Variants in CGNL1 observed in about 807,000 individuals in gnomAD.
CGNL1 encodes cingulin like 1, also known as cingulin-like protein 1.
In CGNL1, 132 loss-of-function variants were observed where a neutral mutation model predicts 141.2. The observed-to-expected ratio is 0.93, with a 90% CI of 0.81 to 1.08. The LOEUF is 1.08. CGNL1 is among the 50% of genes least tolerant of loss of function. The pLI, the probability that CGNL1 is intolerant of heterozygous loss-of-function variation, is 0.00. For missense variants in CGNL1, 1,870 were observed against 1,588.6 expected (o/e 1.18, Z -3.01); for synonymous variants, 690 against 622.1 (o/e 1.11, Z -1.63).
At position 57,496,144 on chromosome 15, in the gene CGNL1, C is replaced by T. The variant is rs192243805; in HGVS notation, c.2404-20636C>T. ...GCTCACTTAGACAGGCTTACCAAGG[C>T]GACAAATACATTAAAAACAAAACAA... On this transcript the variant is annotated intron_variant, in intron 8 of 18. Coordinates refer to ENST00000281282, the MANE Select transcript of CGNL1 (RefSeq NM_032866.5). 7.2e-4 allele frequency among the ~76,000 whole-genome samples: 109 copies of T among 152,212 alleles called. 2 individuals are homozygous for T. The East Asian group carries it at 0.019, about 27-fold the overall frequency.
chr15:57,516,258 G>A (rs928879434), intron 8 of CGNL1, among the ~76,000 whole-genome samples: 1 of 152,020 alleles, frequency 6.6e-6, no homozygotes, highest in African/African-American at 2.4e-5. Context: ...ATGAGGACAG[G>A]TTCTGGATTC....
At chr15:57,518,372 T>C in intron 9 of CGNL1, 21 bp from the exon 10 acceptor site, 1 of 1,569,476 alleles carries the variant, frequency 6.4e-7, no homozygotes, top group Non-Finnish European at 8.8e-7. Context: ...AAGTGCACAC[T>C]GACCCAGTGT....
chr15:57,421,375 CT>C (rs780588665), intron 1 of CGNL1, among the ~76,000 whole-genome samples: 112 of 152,248 alleles, frequency 7.4e-4, no homozygotes, highest in Non-Finnish European at 1.5e-3. Flanking sequence ...TGGAGAGGCT[CT>C]TAAACCAAAT....
chr15:57,431,723 T>A (rs1442085797), intron 1 of CGNL1, among the ~76,000 whole-genome samples: 5 of 120,136 alleles, frequency 4.2e-5, no homozygotes, highest in Non-Finnish European at 9.4e-5. Flanking sequence ...CATTTTGAGT[T>A]TTTTTTGTAA....
In CGNL1 at chr15:57,543,778, A is replaced by G. The variant is rs775720144; in HGVS notation, c.3374A>G (p.Gln1125Arg). ...TGCGACAAGATTTCCCTGGAGAGGC[A>G]GGTGAGGGCAGCCAGCCTGTGAGCT... is the stretch of plus-strand genomic sequence containing the variant. ...LECDKISLER[Q>R]NKDLKSRIIH... is the part of the protein sequence containing the mutation. The change falls in exon 15 of 19, where the codon CAG becomes CGG. Residue 1125 changes from glutamine (Q) to arginine (R), a missense_variant and splice_region_variant. Transcript: ENST00000281282. 1.9e-6 allele frequency: 3 copies of G among 1,613,194 alleles called. No individual in the cohort carries two copies. Among genetic ancestry groups the G allele is most frequent in the Non-Finnish European group, 2.5e-6 (3 of 1,179,252 alleles).
In CGNL1 at chr15:57,447,710, C is replaced by T. The variant is rs370754614; in HGVS notation, c.1804-3790C>T. On this transcript the variant is annotated intron_variant, in intron 4 of 18. Transcript: ENST00000281282. ...ATTTGAATATTGCTTCTTTCACATT[C>T]GGTCTCTCCCAGCTCTTCTCAGACT... Among the ~76,000 whole-genome samples the T allele has an allele frequency of 9.2e-5, 14 of 151,988 alleles. No individual in the cohort carries two copies. The East Asian group carries it at 9.7e-4, about 11-fold the overall frequency.
intron 1 of CGNL1, among the ~76,000 whole-genome samples, chr15:57,436,532 A>AGCTG (rs142302646): frequency 0.031 from 4,723 of 152,242 alleles, 256 homozygotes; most frequent in African/African-American, 0.11. Flanking sequence ...TCCTGTCTTA[A>AGCTG]GCTGCTATGT....
At chr15:57,505,973 G>A (rs1183086886) in intron 8 of CGNL1, among the ~76,000 whole-genome samples, 1 of 152,180 alleles carries the variant, frequency 6.6e-6, no homozygotes, top group Non-Finnish European at 1.5e-5. Flanking sequence ...CAAGACTTCC[G>A]GGCAGGGGTG....
intron 1 of CGNL1, among the ~76,000 whole-genome samples, chr15:57,418,375 T>C (rs912167372): frequency 6.6e-6 from 1 of 152,146 alleles, no homozygotes; most frequent in Admixed American, 6.5e-5. Context: ...CCTTTCTGTT[T>C]CTCTTTTTTT....
At chr15:57,501,178 C>T (rs1490608348) in intron 8 of CGNL1, among the ~76,000 whole-genome samples, 3 of 152,264 alleles carry the variant, frequency 2.0e-5, no homozygotes, top group Non-Finnish European at 2.9e-5. Flanking sequence ...CAGAAGGGCT[C>T]CTGGTGTGGT....
chr15:57,427,026 C>T (rs1296639210), intron 1 of CGNL1, among the ~76,000 whole-genome samples: 1 of 152,110 alleles, frequency 6.6e-6, no homozygotes, highest in Non-Finnish European at 1.5e-5. Flanking sequence ...CTGCAAGTAC[C>T]TGAGGGGCTG....
chr15:57,517,398 C>T (rs1392484642), intron 9 of CGNL1, among the ~76,000 whole-genome samples: 2 of 152,140 alleles, frequency 1.3e-5, no homozygotes, highest in African/African-American at 4.8e-5. Context: ...AGCCAATTAT[C>T]TGGTTGGCCA....
At chr15:57,397,161 T>C (rs1228210319) in intron 1 of CGNL1, 5 of 152,212 alleles carry the variant, frequency 3.3e-5, no homozygotes, top group African/African-American at 1.2e-4. Context: ...TGAAGAGGAA[T>C]GGATCAGAAG....
In CGNL1 at chr15:57,438,032, G is replaced by A; in HGVS notation, c.33G>A (p.Val11=). 6.2e-7 allele frequency: 1 copy of A among 1,613,422 alleles called. No individual in the cohort carries two copies. Among genetic ancestry groups the A allele is most frequent in the Non-Finnish European group, 8.5e-7 (1 of 1,179,978 alleles). The change falls in exon 2 of 19, where the codon GTG becomes GTA. Residue 11 remains valine (V), a synonymous_variant. Coordinates refer to ENST00000281282, the MANE Select transcript of CGNL1 (RefSeq NM_032866.5). The part of the protein sequence containing the change: MELYFGEYQH[V]QQEYGVHLRL... ...TGTATTTCGGTGAATATCAACATGT[G>A]CAGCAGGAATATGGGGTCCATCTGA...
At chr15:57,383,292 C>CTTTTTTTTTTTTTTTTTTTTTTTTTT (rs59213732) in intron 1 of CGNL1, among the ~76,000 whole-genome samples, 5 of 109,588 alleles carry the variant, frequency 4.6e-5, no homozygotes, top group African/African-American at 1.5e-4. Flanking sequence ...TTCTTTCTTC[C>CTTTTTTTTTTTTTTTTTTTTTTTTTT]TTTTTTTTTT....
rs758172043 is a variant in CGNL1 at position 57,516,995 on chromosome 15, C to T, written c.2610+9C>T. 38 of 1,610,142 alleles carry T rather than the reference C, an allele frequency of 2.4e-5. No individual in the cohort carries two copies. The highest frequency in any genetic ancestry group is 1.8e-4 in the Middle Eastern group (1 of 5,470). ...CGCTGAAGAAGTACGAGGTGAGGCT[C>T]GCTGGGCCCAGGCCCAGCTTTGGCA... On this transcript the variant is annotated intron_variant, in intron 9 of 18. Coordinates refer to ENST00000281282, the MANE Select transcript of CGNL1 (RefSeq NM_032866.5).
At chr15:57,514,324 G>C (rs1174257605) in intron 8 of CGNL1, among the ~76,000 whole-genome samples, 1 of 151,984 alleles carries the variant, frequency 6.6e-6, no homozygotes, top group African/African-American at 2.4e-5. Flanking sequence ...GCTGATTTTT[G>C]TATTTTTAGT....
chr15:57,498,238 G>T (rs17239770), intron 8 of CGNL1, among the ~76,000 whole-genome samples: 61,465 of 140,814 alleles, frequency 0.44, 13,514 homozygotes, highest in Admixed American at 0.5. Flanking sequence ...GGTTGATTGG[G>T]GAAACAGTTT....
intron 8 of CGNL1, among the ~76,000 whole-genome samples, chr15:57,513,396 C>A (rs2030507937): frequency 6.6e-6 from 1 of 152,054 alleles, no homozygotes; most frequent in South Asian, 2.1e-4. Context: ...ATATTCCATT[C>A]TATGGATATG....
Sources: allele counts gnomAD v4.1 joint callset (sites outside exome capture counted in the v4.1 genomes callset), GRCh38; gene constraint gnomAD v4.1.1; transcripts MANE v1.5; gene names NCBI Gene and HGNC (gene_info 2026-07-23, HGNC 2026-07-21).